Variants in SDK1 observed in about 807,000 individuals in gnomAD.
The protein encoded by SDK1 is sidekick cell adhesion molecule 1.
Under a neutral mutation model 245.5 loss-of-function variants are expected in SDK1, and 157 were observed. The ratio of observed to expected loss-of-function variants is 0.64; its 90% CI spans 0.56 to 0.73. The LOEUF is 0.73. Ranked by LOEUF, SDK1 falls within the 30% of genes least tolerant of loss-of-function variation. The pLI is 0.00. For missense variants in SDK1, 3,583 were observed against 3,002.3 expected, an observed-to-expected ratio of 1.19 and a Z score of -4.52; for synonymous variants, 1,647 against 1,278.5, an observed-to-expected ratio of 1.29 and a Z score of -6.15.
In SDK1 at chr7:4,268,723, G is replaced by C; in HGVS notation, c.*3339G>C. On this transcript the variant is annotated 3_prime_UTR_variant, in exon 45 of 45. Coordinates refer to ENST00000404826, the MANE Select transcript of SDK1 (RefSeq NM_152744.4). ...GCAACCCGTCTGCGTACCTAAGTGT[G>C]GCTCCCCGTGGGTCAGCGTCCTGGT... The C allele has an allele frequency of 7.3e-7, 1 of 1,367,818 alleles. No individual in the cohort carries two copies. Among genetic ancestry groups the C allele is most frequent in the Non-Finnish European group, 9.8e-7 (1 of 1,021,984 alleles). The allele number at this position is 1,367,818 out of a possible 1,614,324, so 84.7% of individuals were successfully genotyped here. A position where few individuals can be genotyped will look rare whatever the true frequency, so the allele number is the denominator to read the frequency against.
At chr7:4,125,576 G>A (rs751659516) in intron 25 of SDK1, among the ~76,000 whole-genome samples, 39 of 152,132 alleles carry the variant, frequency 2.6e-4, no homozygotes, top group African/African-American at 5.6e-4. Context: ...GGAAGTCCTC[G>A]CAAGTGTTCC....
intron 17 of SDK1, among the ~76,000 whole-genome samples, chr7:4,027,031 C>T (rs376808867): frequency 8.5e-5 from 13 of 152,268 alleles, no homozygotes; most frequent in African/African-American, 1.2e-4. Flanking sequence ...TCATGAAAAA[C>T]GGTGTGTGCT....
intron 1 of SDK1, among the ~76,000 whole-genome samples, chr7:3,372,164 T>C (rs775146124): frequency 1.9e-4 from 29 of 152,150 alleles, no homozygotes; most frequent in Non-Finnish European, 3.2e-4. Context: ...CCTTAGATTT[T>C]AGGTTATGTC....
At chr7:3,586,659 C>T (rs567716586) in intron 1 of SDK1, among the ~76,000 whole-genome samples, 193 of 147,058 alleles carry the variant, frequency 1.3e-3, no homozygotes, top group Non-Finnish European at 2.2e-3. Flanking sequence ...GAGCTGAGAT[C>T]GTGCCACTGC....
At chr7:3,729,127 T>A (rs757312395) in intron 4 of SDK1, among the ~76,000 whole-genome samples, 18 of 152,184 alleles carry the variant, frequency 1.2e-4, no homozygotes, top group Non-Finnish European at 2.6e-4. Context: ...TATATTTATT[T>A]TACCATGGCA....
intron 25 of SDK1, among the ~76,000 whole-genome samples, chr7:4,122,443 C>G (rs988332146): frequency 2.6e-5 from 4 of 152,108 alleles, no homozygotes; most frequent in African/African-American, 7.2e-5. Flanking sequence ...TAAGTCTCCC[C>G]TCAATGGAAA....
intron 1 of SDK1, among the ~76,000 whole-genome samples, chr7:3,350,197 A>C (rs1562432708): frequency 6.6e-6 from 1 of 152,212 alleles, no homozygotes; most frequent in Non-Finnish European, 1.5e-5. Context: ...CACTCAGTCT[A>C]TCAGAAAACA....
At chr7:3,401,302 C>G (rs1447806637) in intron 1 of SDK1, among the ~76,000 whole-genome samples, 1 of 152,132 alleles carries the variant, frequency 6.6e-6, no homozygotes, top group African/African-American at 2.4e-5. Context: ...GAGGCAGGAT[C>G]AGAATGGAAA....
chr7:3,566,221 C>A (rs1425754848), intron 1 of SDK1, among the ~76,000 whole-genome samples: 2 of 131,162 alleles, frequency 1.5e-5, no homozygotes, highest in African/African-American at 2.9e-5. Context: ...TGATAAACTT[C>A]TTCTTTTTTT....
At chr7:3,868,282 A>G (rs774843858) in intron 5 of SDK1, among the ~76,000 whole-genome samples, 5 of 152,236 alleles carry the variant, frequency 3.3e-5, no homozygotes, top group Admixed American at 1.3e-4. Context: ...CGCTTAGTTT[A>G]TTCCAATGAT....
In SDK1 at chr7:3,810,163, C is replaced by A. The variant is rs543409713; in HGVS notation, c.714-11287C>A. Among the ~76,000 whole-genome samples the A allele has an allele frequency of 2.0e-5, 3 of 152,142 alleles. No homozygotes were observed. In the South Asian group the frequency reaches 6.2e-4, roughly 32 times the overall value. On this transcript the variant is annotated intron_variant, in intron 4 of 44. Coordinates refer to ENST00000404826, the MANE Select transcript of SDK1 (RefSeq NM_152744.4). Reference sequence around the variant, plus strand: ...GAGAGGAGGATTCTTCATGAGGAGCCCCCCCATATCTGGAGCAGTTTTAGT... The same window carrying A: ...GAGAGGAGGATTCTTCATGAGGAGCACCCCCATATCTGGAGCAGTTTTAGT...
At chr7:4,152,556 C>T (rs753013040) in intron 30 of SDK1, among the ~76,000 whole-genome samples, 17 of 152,210 alleles carry the variant, frequency 1.1e-4, no homozygotes, top group Non-Finnish European at 2.4e-4. Flanking sequence ...GGACTTCATG[C>T]TGGCAAGGAG....
At chr7:3,458,476 C>A (rs1041410134) in intron 1 of SDK1, among the ~76,000 whole-genome samples, 7 of 151,908 alleles carry the variant, frequency 4.6e-5, no homozygotes, top group Admixed American at 4.6e-4. Context: ...ATTTGTTTCC[C>A]TCTTTTATTG....
intron 40 of SDK1, among the ~76,000 whole-genome samples, chr7:4,225,186 G>T (rs1785356580): frequency 1.3e-5 from 2 of 152,024 alleles, no homozygotes; most frequent in Non-Finnish European, 2.9e-5. Context: ...TGTCCCAGTT[G>T]TGAGACTGCA....
chr7:3,438,686 C>T (rs960862240), intron 1 of SDK1, among the ~76,000 whole-genome samples: 3 of 152,068 alleles, frequency 2.0e-5, no homozygotes, highest in African/African-American at 7.2e-5. Context: ...ATTGCCAACC[C>T]AAGTTTTTGA....
In SDK1 at chr7:3,900,321, T is replaced by A. The variant is rs188815849; in HGVS notation, c.848-50602T>A. ...GAACAGAGTCTAAAATTTACCAACA[T>A]GTTCTGCCTGAACAGGCTTCAATTT... On this transcript the variant is annotated intron_variant, in intron 5 of 44. Transcript: ENST00000404826. 3.6e-3 allele frequency among the ~76,000 whole-genome samples: 554 copies of A among 152,368 alleles called. 1 individual carries two copies. The highest frequency in any genetic ancestry group is 6.4e-3 in the Non-Finnish European group (438 of 68,034).
At chr7:3,445,740 T>C (rs991581166) in intron 1 of SDK1, among the ~76,000 whole-genome samples, 24 of 152,276 alleles carry the variant, frequency 1.6e-4, no homozygotes, top group African/African-American at 5.8e-4. Context: ...TCTACACACA[T>C]TAAGAATCAC....
intron 1 of SDK1, among the ~76,000 whole-genome samples, chr7:3,307,455 G>A (rs897775062): frequency 6.6e-6 from 1 of 152,144 alleles, no homozygotes; most frequent in African/African-American, 2.4e-5. Flanking sequence ...TTCTGGAGAG[G>A]TTACTACTCT....
chr7:3,575,296 G>C (rs551653785), intron 1 of SDK1, among the ~76,000 whole-genome samples: 1 of 151,882 alleles, frequency 6.6e-6, no homozygotes, highest in Admixed American at 6.6e-5. Flanking sequence ...GAATTCTCTG[G>C]TGTCTCTTCT....
Sources: gnomAD v4.1 joint callset for allele counts (sites outside exome capture counted in the v4.1 genomes callset) on GRCh38, gnomAD v4.1.1 for gene constraint, MANE v1.5 for transcripts, NCBI Gene and HGNC (gene_info 2026-07-23, HGNC 2026-07-21) for gene names.